Variants in MOB4 observed in about 807,000 individuals in gnomAD.
MOB4 encodes the protein MOB family member 4, phocein.
A neutral mutation model predicts 32.2 loss-of-function variants in MOB4; 4 were observed. The ratio of observed to expected loss-of-function variants is 0.12; its 90% CI spans 0.06 to 0.28. The LOEUF is 0.28. Ranked by LOEUF, MOB4 falls within the 10% of genes least tolerant of loss-of-function variation. The pLI is 1.00. For missense variants in MOB4, 158 were observed against 271.2 expected (o/e 0.58, Z 2.93); for synonymous variants, 88 against 88.1 (o/e 1.00, Z 0.01).
intron 1 of MOB4, among the ~76,000 whole-genome samples, chr2:197,522,327 T>C (rs1291820676): frequency 2.3e-5 from 3 of 129,352 alleles, no homozygotes; most frequent in Non-Finnish European, 5.0e-5. Flanking sequence ...GATTACCTTT[T>C]TTTTTTTTTT....
upstream of MOB4, chr2:197,516,008 C>T: frequency 2.1e-6 from 3 of 1,436,598 alleles, no homozygotes; most frequent in Non-Finnish European, 2.8e-6. Flanking sequence ...AGACGCAGAG[C>T]GCCGCTCTGC....
chr2:197,526,697 C>G (rs1326064186), intron 2 of MOB4, among the ~76,000 whole-genome samples: 1 of 152,158 alleles, frequency 6.6e-6, no homozygotes, highest in African/African-American at 2.4e-5. Context: ...TTTGGTTGCT[C>G]AACATTGGGA....
chr2:197,547,407 T>A (rs926871815), intron 5 of MOB4, among the ~76,000 whole-genome samples: 4 of 152,214 alleles, frequency 2.6e-5, no homozygotes, highest in African/African-American at 9.6e-5. Flanking sequence ...TCATCTGTGG[T>A]CATATATCTG....
chr2:197,529,575 C>T (rs1437873600), intron 2 of MOB4, among the ~76,000 whole-genome samples: 2 of 152,058 alleles, frequency 1.3e-5, no homozygotes, highest in African/African-American at 2.4e-5. Context: ...TGGTCTTGAA[C>T]TCCTGACCTC....
At chr2:197,529,418 C>T (rs1019987706) in intron 2 of MOB4, among the ~76,000 whole-genome samples, 3 of 151,964 alleles carry the variant, frequency 2.0e-5, no homozygotes, top group African/African-American at 7.3e-5. Flanking sequence ...GTGGCGTGAT[C>T]TTGGCTCACT....
chr2:197,528,143 A>G (rs1286209611), intron 2 of MOB4, among the ~76,000 whole-genome samples: 1 of 152,178 alleles, frequency 6.6e-6, no homozygotes, highest in Non-Finnish European at 1.5e-5. Context: ...ACCATTTAAC[A>G]TTGATGTGCT....
At chr2:197,523,025 TTAATAA>T (rs957065231) in intron 1 of MOB4, among the ~76,000 whole-genome samples, 1 of 151,594 alleles carries the variant, frequency 6.6e-6, no homozygotes, top group Admixed American at 6.6e-5. Flanking sequence ...AATAATAATA[TTAATAA>T]TAATAATTAT....
chr2:197,548,453 G>A (rs1174196100), intron 6 of MOB4, 38 bp downstream of exon 6: 1 of 1,006,444 alleles, frequency 9.9e-7, no homozygotes, highest in East Asian at 4.9e-5. Context: ...AAACATTTTA[G>A]AGTTAATTTA....
Position 197,524,542 on chromosome 2 carries a change from AAAAAAC to A in MOB4, c.123+874_123+879del, listed in dbSNP as rs1193621396. The stretch of plus-strand genomic sequence containing the variant: ...CAAGACTCTGTCTCAAAAAAAAAAA[AAAAAAC>A]AAAAACAAAAACAAAAATACAATTT... On this transcript the variant is annotated intron_variant, in intron 2 of 7. Coordinates refer to ENST00000323303, the MANE Select transcript of MOB4 (RefSeq NM_015387.5). Among the ~76,000 whole-genome samples the A allele has an allele frequency of 9.0e-3, 1,363 of 151,064 alleles. 22 individuals are homozygous for A. Among genetic ancestry groups the A allele is most frequent in the African/African-American group, 0.028 (1,162 of 40,838 alleles).
intron 3 of MOB4, among the ~76,000 whole-genome samples, chr2:197,539,317 A>ATTTTTTT (rs35362424): frequency 7.9e-6 from 1 of 126,720 alleles, no homozygotes; most frequent in Admixed American, 8.7e-5. Flanking sequence ...TTGTAATGTA[A>ATTTTTTT]TTTTTTTTTT....
At chr2:197,516,018 C>A, upstream of MOB4, 4 of 1,493,272 alleles carry the variant, frequency 2.7e-6, no homozygotes, top group Non-Finnish European at 3.6e-6. Flanking sequence ...CGCCGCTCTG[C>A]CCCGCCCCCC....
At chr2:197,536,595 C>CTTTTT (rs71012981) in intron 3 of MOB4, among the ~76,000 whole-genome samples, 45 of 55,302 alleles carry the variant, frequency 8.1e-4, no homozygotes, top group Non-Finnish European at 9.9e-4. Flanking sequence ...CATCTTTTGT[C>CTTTTT]TTTTTTTTTT....
Position 197,521,448 on chromosome 2 carries a change from T to G in MOB4, c.61-2176T>G, listed in dbSNP as rs565857982. 3.3e-5 allele frequency among the ~76,000 whole-genome samples: 5 copies of G among 152,190 alleles called. No homozygotes were observed. The South Asian group carries it at 8.3e-4, about 25-fold the overall frequency. On this transcript the variant is annotated intron_variant, in intron 1 of 7. Transcript: ENST00000323303. ...AGCAAAATTAAAATTGCTAATGAAG[T>G]TTCGGGCACCATTGTCATTGATAAC...
chr2:197,548,311 C>T, intron 5 of MOB4, 25 bp from the exon 6 acceptor site: 3 of 1,573,062 alleles, frequency 1.9e-6, no homozygotes, highest in African/African-American at 1.4e-5. Flanking sequence ...TTTGTTGATG[C>T]ATTTCTATAT....
intron 1 of MOB4, 82 bp downstream of exon 1, chr2:197,516,228 G>A: frequency 6.5e-7 from 1 of 1,529,496 alleles, no homozygotes; most frequent in Non-Finnish European, 8.8e-7. Context: ...CTGCGGGGAG[G>A]TTGGGCCGAG....
Position 197,521,703 on chromosome 2 carries a change from C to T in MOB4, c.61-1921C>T, listed in dbSNP as rs188749681. Among the ~76,000 whole-genome samples the T allele has an allele frequency of 1.9e-3, 284 of 151,884 alleles. 1 individual carries two copies. The highest frequency in any genetic ancestry group is 6.2e-3 in the African/African-American group (257 of 41,366). On this transcript the variant is annotated intron_variant, in intron 1 of 7. Coordinates refer to ENST00000323303, the MANE Select transcript of MOB4 (RefSeq NM_015387.5). ...TTCCTTGCTGAGAAAAAGAATTCAGCGATATTTCTCCCATTTGCTTTTGAA... is the reference window on the plus strand; with the variant it reads ...TTCCTTGCTGAGAAAAAGAATTCAGTGATATTTCTCCCATTTGCTTTTGAA...
At chr2:197,520,716 G>A (rs1403618272) in intron 1 of MOB4, among the ~76,000 whole-genome samples, 1 of 151,928 alleles carries the variant, frequency 6.6e-6, no homozygotes, top group African/African-American at 2.4e-5. Flanking sequence ...TCTGTTAACT[G>A]TATTATCTAC....
At position 197,553,153 on chromosome 2, in the gene MOB4, G is replaced by A. The variant is rs1022906207; in HGVS notation, c.*2507G>A. ...ATCAGAATACAATTAGAAATCCTTG[G>A]TCAGGCACAGGGGCTCACGCCTGTA... On this transcript the variant is annotated 3_prime_UTR_variant, in exon 8 of 8. Transcript: ENST00000323303. The A allele has an allele frequency of 2.0e-5, 3 of 152,158 alleles. No homozygotes were observed. The highest frequency in any genetic ancestry group is 6.5e-5 in the Admixed American group (1 of 15,276). The allele number at this position is 152,158 out of a possible 1,614,324, so 9.4% of individuals were successfully genotyped here. A position where few individuals can be genotyped will look rare whatever the true frequency, so the allele number is the denominator to read the frequency against.
chr2:197,536,380 T>C (rs1173598324), intron 3 of MOB4, among the ~76,000 whole-genome samples: 1 of 151,648 alleles, frequency 6.6e-6, no homozygotes, highest in African/African-American at 2.4e-5. Context: ...GTTTTTTGTA[T>C]TTTTTGTAGA....
Sources: gnomAD v4.1 joint callset for allele counts (sites outside exome capture counted in the v4.1 genomes callset) on GRCh38, gnomAD v4.1.1 for gene constraint, MANE v1.5 for transcripts, NCBI Gene and HGNC (gene_info 2026-07-23, HGNC 2026-07-21) for gene names.